LDLRAD3: variants seen among roughly 807,000 people sequenced by gnomAD.
LDLRAD3 encodes the protein low-density lipoprotein receptor class A domain-containing protein 3.
A neutral mutation model predicts 29.4 loss-of-function variants in LDLRAD3; 20 were observed. The ratio of observed to expected loss-of-function variants is 0.68; its 90% CI spans 0.48 to 0.99. The LOEUF is 0.99. LDLRAD3 is among the 50% of genes least tolerant of loss of function. The probability of loss-of-function intolerance (pLI) is 0.00; values close to 1 mark genes in which losing one functional copy is unlikely to be tolerated. For synonymous variants in LDLRAD3, 157 were observed against 192.7 expected (o/e 0.81, Z 1.53); for missense variants, 420 against 454.3 (o/e 0.92, Z 0.69).
At chr11:36,018,714 G>A (rs1282952146) in intron 1 of LDLRAD3, among the ~76,000 whole-genome samples, 1 of 152,172 alleles carries the variant, frequency 6.6e-6, no homozygotes, top group Non-Finnish European at 1.5e-5. Context: ...CACCAGTAGG[G>A]TCTGAGGGTG....
chr11:36,098,438 A>G lies in LDLRAD3; in HGVS notation c.431A>G (p.Glu144Gly), dbSNP rs1853397023. Residue 144 changes from glutamate to glycine, a missense_variant, in exon 4 of 6, where the codon GAG (glutamate) becomes GGG (glycine). Glu to Gly is a moderately conservative substitution (Grantham distance 98). This residue lies in a region of LDLRAD3 where 224 missense variants were observed against 222.2 expected (regional missense o/e 1.01). Transcript: ENST00000315571. ...AATAACTGTCAAGACAACAGTGATGAGGAAAGCTGTGAAAGTTCTCAAGGT... is the reference window on the plus strand; with the variant it reads ...AATAACTGTCAAGACAACAGTGATGGGGAAAGCTGTGAAAGTTCTCAAGGT... ...GQNNCQDNSD[E>G]ESCESSQEPG... 3.1e-6 allele frequency: 5 copies of G among 1,614,240 alleles called. No individual in the cohort carries two copies. The highest frequency in any genetic ancestry group is 4.2e-6 in the Non-Finnish European group (5 of 1,180,030).
At chr11:36,169,924 A>G (rs936110239) in intron 4 of LDLRAD3, among the ~76,000 whole-genome samples, 2 of 152,116 alleles carry the variant, frequency 1.3e-5, no homozygotes, top group Admixed American at 1.3e-4. Flanking sequence ...TTCCATGGAT[A>G]AGTTCTTTAG....
At chr11:36,041,886 G>T (rs1178522347) in intron 2 of LDLRAD3, among the ~76,000 whole-genome samples, 1 of 151,896 alleles carries the variant, frequency 6.6e-6, no homozygotes, top group South Asian at 2.1e-4. Context: ...GTTGAGGGGG[G>T]TGTGGAGGAG....
At chr11:36,226,678 G>A (rs922472938) in intron 4 of LDLRAD3, among the ~76,000 whole-genome samples, 2 of 152,108 alleles carry the variant, frequency 1.3e-5, no homozygotes, top group Admixed American at 6.6e-5. Flanking sequence ...CATACCCATT[G>A]ACTGTTAATC....
chr11:36,120,037 C>T (rs77037200), intron 4 of LDLRAD3, among the ~76,000 whole-genome samples: 2,823 of 152,272 alleles, frequency 0.019, 91 homozygotes, highest in African/African-American at 0.062. Context: ...CATTCTTTTG[C>T]ATGTGGATGT....
chr11:36,122,764 A>T (rs936235039), intron 4 of LDLRAD3, among the ~76,000 whole-genome samples: 61 of 152,130 alleles, frequency 4.0e-4, no homozygotes, highest in African/African-American at 1.4e-3. Context: ...CATGCCTGTA[A>T]TCCCAGCACT....
chr11:36,219,418 T>C (rs1004057338), intron 4 of LDLRAD3, among the ~76,000 whole-genome samples: 2 of 152,224 alleles, frequency 1.3e-5, no homozygotes, highest in African/African-American at 4.8e-5. Flanking sequence ...ACTATAAAGC[T>C]GTAGTTAACA....
At chr11:36,055,743 G>A (rs963631942) in intron 2 of LDLRAD3, among the ~76,000 whole-genome samples, 7 of 152,144 alleles carry the variant, frequency 4.6e-5, no homozygotes, top group African/African-American at 1.7e-4. Context: ...GAGCACTCTC[G>A]CTTTTCTCAG....
chr11:36,114,218 A>G (rs1853644104), intron 4 of LDLRAD3, among the ~76,000 whole-genome samples: 1 of 152,162 alleles, frequency 6.6e-6, no homozygotes. Flanking sequence ...TGTGAGTGAC[A>G]TCAGTTCACA....
At chr11:36,147,974 G>A (rs1290203554) in intron 4 of LDLRAD3, among the ~76,000 whole-genome samples, 1 of 152,070 alleles carries the variant, frequency 6.6e-6, no homozygotes, top group Non-Finnish European at 1.5e-5. Flanking sequence ...AGGTTTAAGC[G>A]ATTCTCCTGC....
At chr11:36,092,961 G>T (rs1184313546) in intron 3 of LDLRAD3, among the ~76,000 whole-genome samples, 1 of 152,196 alleles carries the variant, frequency 6.6e-6, no homozygotes, top group Non-Finnish European at 1.5e-5. Context: ...TGCAAAGGAT[G>T]GGGGAGATTA....
Position 36,105,238 on chromosome 11 carries a change from T to TGTGTGA in LDLRAD3, c.454+6778_454+6779insTGTGAG, listed in dbSNP as rs1343780985. On this transcript the variant is annotated intron_variant, in intron 4 of 5. Coordinates refer to ENST00000315571, the MANE Select transcript of LDLRAD3 (RefSeq NM_174902.4). ...GTGTGTGTGTGTGTGTGTGTGTGTG[T>TGTGTGA]GAGAGAGAGAGAGAGAGAGAGAGAA... is the stretch of plus-strand genomic sequence containing the variant. Among the ~76,000 whole-genome samples, 93 of 128,426 alleles carry TGTGTGA rather than the reference T, an allele frequency of 7.2e-4. 1 individual carries two copies. Among genetic ancestry groups the TGTGTGA allele is most frequent in the East Asian group, 2.3e-3 (9 of 3,992 alleles). 84.3% of individuals were successfully genotyped at this position (128,426 alleles called of 152,430 possible).
chr11:36,093,462 C>G (rs1853313866), intron 3 of LDLRAD3, among the ~76,000 whole-genome samples: 2 of 151,644 alleles, frequency 1.3e-5, no homozygotes, highest in Non-Finnish European at 2.9e-5. Context: ...CTTTTTAATC[C>G]TGCTATGATA....
Position 36,229,657 on chromosome 11 carries a change from A to G in LDLRAD3, c.*260A>G. On this transcript the variant is annotated 3_prime_UTR_variant, in exon 6 of 6. Coordinates refer to ENST00000315571, the MANE Select transcript of LDLRAD3 (RefSeq NM_174902.4). ...ACCCGAGATCACACCCTCATTTTTC[A>G]CATTATTCTGTTTCTGTTGGAGAGA... The G allele has an allele frequency of 4.0e-6, 2 of 496,174 alleles. No homozygotes were observed. The highest frequency in any genetic ancestry group is 7.2e-6 in the Non-Finnish European group (2 of 278,520). 30.7% of individuals were successfully genotyped at this position (496,174 alleles called of 1,614,324 possible). A position where few individuals can be genotyped will look rare whatever the true frequency, so the allele number is the denominator to read the frequency against.
At chr11:36,129,727 C>G (rs781488220) in intron 4 of LDLRAD3, among the ~76,000 whole-genome samples, 2 of 152,170 alleles carry the variant, frequency 1.3e-5, no homozygotes, top group Non-Finnish European at 2.9e-5. Context: ...AAGCCTCCTT[C>G]TTGGCCCTAA....
chr11:36,203,402 A>G (rs543184889), intron 4 of LDLRAD3, among the ~76,000 whole-genome samples: 156 of 152,230 alleles, frequency 1.0e-3, no homozygotes, highest in Non-Finnish European at 1.8e-3. Context: ...TGCAAAGCCA[A>G]TAAATCGTAG....
At chr11:36,013,171 A>G (rs1851976265) in intron 1 of LDLRAD3, among the ~76,000 whole-genome samples, 1 of 152,242 alleles carries the variant, frequency 6.6e-6, no homozygotes, top group Non-Finnish European at 1.5e-5. Flanking sequence ...TGCCTGATTC[A>G]TAAGGGCAGT....
At chr11:35,955,611 A>G (rs980425127) in intron 1 of LDLRAD3, among the ~76,000 whole-genome samples, 2 of 152,236 alleles carry the variant, frequency 1.3e-5, no homozygotes, top group African/African-American at 4.8e-5. Flanking sequence ...ATTAAGCATT[A>G]AAATAGATAA....
intron 2 of LDLRAD3, among the ~76,000 whole-genome samples, chr11:36,067,841 T>C (rs543676360): frequency 2.0e-5 from 3 of 152,274 alleles, no homozygotes; most frequent in African/African-American, 7.2e-5. Flanking sequence ...TTTTTTTTTG[T>C]ATTTTTTTTG....
Sources: allele counts gnomAD v4.1 joint callset (sites outside exome capture counted in the v4.1 genomes callset), GRCh38; gene constraint gnomAD v4.1.1; regional missense constraint gnomAD v4.1.1; transcripts MANE v1.5; gene names NCBI Gene and HGNC (gene_info 2026-07-23, HGNC 2026-07-21).